Variants in AK5 observed in about 807,000 individuals in gnomAD.
The protein encoded by AK5 is adenylate kinase 5.
In AK5, 27 loss-of-function variants were observed where a neutral mutation model predicts 69.5. That is an observed-to-expected ratio of 0.39 (90% CI 0.29 to 0.54). The LOEUF is 0.54. Ranked by LOEUF, AK5 falls within the 20% of genes least tolerant of loss-of-function variation. The pLI, the probability that AK5 is intolerant of heterozygous loss-of-function variation, is 0.71. For synonymous variants in AK5, 260 were observed against 244.4 expected (o/e 1.06, Z -0.60); for missense variants, 531 against 700.4 (o/e 0.76, Z 2.73).
At chr1:77,470,018 G>A (rs116743359) in intron 8 of AK5, among the ~76,000 whole-genome samples, 9 of 152,162 alleles carry the variant, frequency 5.9e-5, no homozygotes, top group African/African-American at 2.2e-4. Context: ...GACAAACATC[G>A]GAATGTTTTG....
chr1:77,492,784 C>T (rs925706189), intron 10 of AK5, among the ~76,000 whole-genome samples: 2 of 152,108 alleles, frequency 1.3e-5, no homozygotes, highest in African/African-American at 4.8e-5. Context: ...ACAAAGAGGA[C>T]TGTAGCAGGA....
intron 6 of AK5, among the ~76,000 whole-genome samples, chr1:77,360,032 G>A (rs566405169): frequency 6.6e-6 from 1 of 152,284 alleles, no homozygotes; most frequent in East Asian, 1.9e-4. Context: ...CAGGAAAAGA[G>A]GTCAAATGAA....
intron 12 of AK5, chr1:77,532,041 A>T (rs947495978): frequency 3.3e-5 from 5 of 151,642 alleles, no homozygotes; most frequent in Non-Finnish European, 7.4e-5. Context: ...ATCCACGCCC[A>T]CCTGGAGCTC....
Position 77,521,914 on chromosome 1 carries a change from G to T in AK5, c.1399G>T (p.Val467Leu). ...CCTGATTGACGGCTATCCTCGGGAG[G>T]TGAAGCAAGGGGAAGAGTTCGGACG... ...GFLIDGYPRE[V>L]KQGEEFGRRI... The change falls in exon 12 of 14, where the codon GTG becomes TTG. Residue 467 changes from valine (V) to leucine (L), a missense_variant. Coordinates refer to ENST00000354567, the MANE Select transcript of AK5 (RefSeq NM_174858.3). 4 of 1,612,824 alleles carry T rather than the reference G, an allele frequency of 2.5e-6. No homozygotes were observed. The highest frequency in any genetic ancestry group is 2.2e-5 in the South Asian group (2 of 90,864).
chr1:77,296,241 C>G (rs997168234), intron 3 of AK5, among the ~76,000 whole-genome samples: 2 of 152,098 alleles, frequency 1.3e-5, no homozygotes, highest in African/African-American at 4.8e-5. Context: ...AAAGCTGGCT[C>G]TCTTGGAACA....
intron 6 of AK5, among the ~76,000 whole-genome samples, chr1:77,397,581 T>C (rs1197636910): frequency 6.6e-6 from 1 of 152,154 alleles, no homozygotes; most frequent in African/African-American, 2.4e-5. Flanking sequence ...ACTGGCAACA[T>C]TAAATGTGTG....
At chr1:77,427,776 C>T (rs1651311716) in intron 8 of AK5, among the ~76,000 whole-genome samples, 1 of 152,226 alleles carries the variant, frequency 6.6e-6, no homozygotes, top group African/African-American at 2.4e-5. Flanking sequence ...TGAAGCTTTC[C>T]TGCTTTTCTG....
intron 6 of AK5, among the ~76,000 whole-genome samples, chr1:77,402,020 A>G (rs114018174): frequency 1.3e-5 from 2 of 152,350 alleles, no homozygotes; most frequent in African/African-American, 2.4e-5. Flanking sequence ...GGATTTTCTT[A>G]AGATTCCTAG....
chr1:77,323,057 G>T (rs932242589), intron 5 of AK5, among the ~76,000 whole-genome samples: 1 of 150,980 alleles, frequency 6.6e-6, no homozygotes, highest in Non-Finnish European at 1.5e-5. Context: ...GCACAATCTC[G>T]GCTCATTGCC....
intron 6 of AK5, among the ~76,000 whole-genome samples, chr1:77,366,193 C>A (rs778641063): frequency 7.9e-5 from 12 of 152,198 alleles, no homozygotes; most frequent in Non-Finnish European, 1.6e-4. Context: ...CAGAAAAAAA[C>A]AAGTTTTATA....
chr1:77,422,032 C>G (rs868446369), intron 8 of AK5, among the ~76,000 whole-genome samples: 2 of 152,214 alleles, frequency 1.3e-5, no homozygotes, highest in Admixed American at 6.5e-5. Context: ...TCTTCCCCCA[C>G]AAAATCTGTT....
chr1:77,475,195 A>ATATATATATATATATATGTG (rs1182380859), intron 8 of AK5, among the ~76,000 whole-genome samples: 12 of 29,144 alleles, frequency 4.1e-4, no homozygotes, highest in South Asian at 2.8e-3. Flanking sequence ...ATATATATAT[A>ATATATATATATATATATGTG]TGTGTGTGTG....
intron 1 of AK5, among the ~76,000 whole-genome samples, chr1:77,284,102 G>A (rs1310434246): frequency 1.3e-5 from 2 of 152,114 alleles, no homozygotes; most frequent in African/African-American, 4.8e-5. Flanking sequence ...ACCCAGAAAA[G>A]GAAGTCAACT....
chr1:77,324,502 T>C (rs1285337028), intron 5 of AK5, among the ~76,000 whole-genome samples: 2 of 152,196 alleles, frequency 1.3e-5, no homozygotes, highest in Non-Finnish European at 2.9e-5. Flanking sequence ...CCCAGTATGC[T>C]GAGAAGGATT....
rs1324233932 is a variant in AK5 at position 77,293,934 on chromosome 1, C to G, written c.389C>G (p.Pro130Arg). 3 of 1,611,772 alleles carry G rather than the reference C, an allele frequency of 1.9e-6. No homozygotes were observed. Among genetic ancestry groups the G allele is most frequent in the South Asian group, 1.1e-5 (1 of 90,392 alleles). Residue 130 changes from proline to arginine, a missense_variant, in exon 3 of 14, where the codon CCT becomes CGT. Coordinates refer to ENST00000354567, the MANE Select transcript of AK5 (RefSeq NM_174858.3). ...EEYEVFDPTR[P>R]RPKIILVIGG... ...TATGAGGTTTTTGATCCTACCAGACCTCGACCAAAAATCATTCTTGTTATA... is the reference window on the plus strand; with the variant it reads ...TATGAGGTTTTTGATCCTACCAGACGTCGACCAAAAATCATTCTTGTTATA...
chr1:77,503,889 G>C (rs1656872388), intron 10 of AK5, among the ~76,000 whole-genome samples: 1 of 149,328 alleles, frequency 6.7e-6, no homozygotes, highest in African/African-American at 2.5e-5. Flanking sequence ...TGGGTGACAA[G>C]AGACTGTCTC....
At chr1:77,479,027 A>C (rs1413358160) in intron 8 of AK5, among the ~76,000 whole-genome samples, 4 of 151,518 alleles carry the variant, frequency 2.6e-5, no homozygotes, top group African/African-American at 9.7e-5. Context: ...AAGATGAGGG[A>C]TAGAGACCAA....
At chr1:77,284,782 G>A (rs1470200556) in intron 1 of AK5, among the ~76,000 whole-genome samples, 1 of 152,196 alleles carries the variant, frequency 6.6e-6, no homozygotes, top group Non-Finnish European at 1.5e-5. Context: ...CCTGATAGTG[G>A]CTGGCTATTA....
At chr1:77,339,239 A>C (rs1024937763) in intron 5 of AK5, among the ~76,000 whole-genome samples, 2 of 152,256 alleles carry the variant, frequency 1.3e-5, no homozygotes, top group Non-Finnish European at 2.9e-5. Context: ...TAATGTGAAG[A>C]GGCAGTAAAA....
Sources: gnomAD v4.1 joint callset for allele counts (sites outside exome capture counted in the v4.1 genomes callset) on GRCh38, gnomAD v4.1.1 for gene constraint, MANE v1.5 for transcripts, NCBI Gene and HGNC (gene_info 2026-07-23, HGNC 2026-07-21) for gene names.